The following MARS1 variants were observed in gnomAD, a reference collection of about 807,000 sequenced individuals.
MARS1 encodes methionyl-tRNA synthetase 1.
MARS1 carries 80 observed loss-of-function variants against 119.5 expected under a neutral mutation model. That is an observed-to-expected ratio of 0.67 (90% CI 0.56 to 0.81). The LOEUF is 0.81. MARS1 is among the 30% of genes least tolerant of loss of function. The pLI is 0.00. For synonymous variants in MARS1, 418 were observed against 433.4 expected (o/e 0.96, Z 0.44); for missense variants, 945 against 1,116.5 (o/e 0.85, Z 2.19).
At chr12:57,488,454 C>T (rs1875636593) in intron 1 of MARS1, 1 of 1,027,818 alleles carries the variant, frequency 9.7e-7, no homozygotes, top group Admixed American at 2.2e-5. Context: ...CGCCTCACCC[C>T]AGTAAACTGC....
At chr12:57,508,434 G>A (rs554720687) in intron 11 of MARS1, among the ~76,000 whole-genome samples, 13 of 152,326 alleles carry the variant, frequency 8.5e-5, no homozygotes, top group Admixed American at 2.0e-4. Context: ...CGAGGCTGGC[G>A]GATCACTGGC....
chr12:57,494,899 C>G (rs1462737200), intron 7 of MARS1, among the ~76,000 whole-genome samples: 1 of 152,180 alleles, frequency 6.6e-6, no homozygotes, highest in Non-Finnish European at 1.5e-5. Flanking sequence ...TCTCCTATGT[C>G]TACTTCTTTC....
At chr12:57,488,477 A>G in intron 1 of MARS1, 1 of 1,290,364 alleles carries the variant, frequency 7.7e-7, no homozygotes. Context: ...TTCCCTTCCC[A>G]ACCTTCTCCT....
chr12:57,488,370 C>T, intron 1 of MARS1, 171 bp downstream of exon 1: 1 of 729,542 alleles, frequency 1.4e-6, no homozygotes. Flanking sequence ...TCACATCTTT[C>T]ACTTCCTTTA....
chr12:57,507,266 C>A (rs1284424443), intron 11 of MARS1, among the ~76,000 whole-genome samples: 3 of 150,058 alleles, frequency 2.0e-5, no homozygotes, highest in Admixed American at 2.0e-4. Context: ...TACACAGACA[C>A]GGCAACCATC....
intron 7 of MARS1, among the ~76,000 whole-genome samples, chr12:57,492,543 T>G (rs1313687730): frequency 6.6e-6 from 1 of 150,624 alleles, no homozygotes. Flanking sequence ...CGGTGGCTCG[T>G]GCCTGTAATC....
At chr12:57,488,274 T>C (rs1331255858) in intron 1 of MARS1, 75 bp downstream of exon 1, 1 of 1,408,676 alleles carries the variant, frequency 7.1e-7, no homozygotes, top group Non-Finnish European at 9.9e-7. Flanking sequence ...GCAGCTGTCT[T>C]TGCCAAACCC....
intron 7 of MARS1, among the ~76,000 whole-genome samples, chr12:57,493,111 CATATT>C (rs1876073929): frequency 6.6e-6 from 1 of 151,030 alleles, no homozygotes; most frequent in Non-Finnish European, 1.5e-5. Flanking sequence ...GTCCCATTGT[CATATT>C]ATGTTGTAAT....
chr12:57,507,994 G>A (rs1475344929), intron 11 of MARS1, among the ~76,000 whole-genome samples: 4 of 151,806 alleles, frequency 2.6e-5, no homozygotes, highest in Non-Finnish European at 2.9e-5. Flanking sequence ...CGCGGCGGCC[G>A]GGCAGAGGCG....
Position 57,489,888 on chromosome 12 carries a change from C to T in MARS1, c.415-8C>T, listed in dbSNP as rs780278028. 10 of 1,613,250 alleles carry T rather than the reference C, an allele frequency of 6.2e-6. No individual in the cohort carries two copies. Among genetic ancestry groups the T allele is most frequent in the Non-Finnish European group, 7.6e-6 (9 of 1,179,342 alleles). ...TGTGTACATTTTCCTTTTCTATCCC[C>T]AACAAAGGAGACAGAATCTCTAGCC... On this transcript the variant is annotated splice_region_variant and splice_polypyrimidine_tract_variant and intron_variant, in intron 4 of 20. Transcript: ENST00000262027.
intron 18 of MARS1, 54 bp from the exon 19 acceptor site, chr12:57,515,866 T>C: frequency 1.4e-6 from 2 of 1,388,034 alleles, no homozygotes; most frequent in Non-Finnish European, 2.0e-6. Context: ...CTGTATAGTC[T>C]ATGGTAGAGT....
intron 19 of MARS1, 91 bp downstream of exon 19, chr12:57,516,082 C>A (rs1046538796): frequency 2.1e-6 from 3 of 1,454,436 alleles, no homozygotes; most frequent in East Asian, 2.3e-5. Context: ...ATCACTCTTT[C>A]CATCTTTTGG....
rs1175367825 is a variant in MARS1, at chr12:57,493,661, TTATATATTA to T, written c.770+3033_770+3041del. On this transcript the variant is annotated intron_variant, in intron 7 of 20. Transcript: ENST00000262027. The stretch of plus-strand genomic sequence containing the variant: ...ATTAATATATAATATACAATATATA[TTATATATTA>T]TATATATTATATATAATATATATTA... Among the ~76,000 whole-genome samples, 8 of 12,198 alleles carry T rather than the reference TTATATATTA, an allele frequency of 6.6e-4. 3 individuals are homozygous for T. In the African/African-American group the frequency reaches 9.0e-3, roughly 14 times the overall value. 8.0% of individuals were successfully genotyped at this position (12,198 alleles called of 152,430 possible). A position where few individuals can be genotyped will look rare whatever the true frequency, so the allele number is the denominator to read the frequency against.
In MARS1 at chr12:57,515,054, G is replaced by A. The variant is rs1877720255; in HGVS notation, c.2200G>A (p.Asp734Asn). The A allele has an allele frequency of 6.2e-7, 1 of 1,614,216 alleles. No homozygotes were observed. The highest frequency in any genetic ancestry group is 8.5e-7 in the Non-Finnish European group (1 of 1,180,034). ...GAAGCGGATTAAAGGCAGTGAGGCT[G>A]ACAGGTAGGTAAGCGGGGAGGGTTG... ...PWKRIKGSEA[D>N]RQRAGTVTGL... The change falls in exon 17 of 21, where the codon GAC (aspartate) becomes AAC (asparagine). Residue 734 changes from aspartate to asparagine, a missense_variant. By Grantham distance (23) the Asp-to-Asn change is conservative. Coordinates refer to ENST00000262027, the MANE Select transcript of MARS1 (RefSeq NM_004990.4).
intron 9 of MARS1, among the ~76,000 whole-genome samples, chr12:57,498,848 G>A (rs1016042170): frequency 2.6e-5 from 4 of 152,172 alleles, no homozygotes; most frequent in African/African-American, 9.7e-5. Context: ...GAGACCAGAC[G>A]CAGGCTGATG....
At chr12:57,509,497 C>T (rs1024403224) in intron 11 of MARS1, among the ~76,000 whole-genome samples, 1 of 152,182 alleles carries the variant, frequency 6.6e-6, no homozygotes, top group Non-Finnish European at 1.5e-5. Flanking sequence ...ACTGCCATCT[C>T]CAGGATTCAA....
rs1877745075 is a variant in MARS1 at position 57,515,334 on chromosome 12, A to AC, written c.2390dup (p.Val798SerfsTer11). The AC allele has an allele frequency of 2.5e-6, 4 of 1,612,212 alleles. No homozygotes were observed. Among genetic ancestry groups the AC allele is most frequent in the Non-Finnish European group, 3.4e-6 (4 of 1,179,926 alleles). On this transcript the variant is annotated frameshift_variant and splice_region_variant, in exon 18 of 21. Coordinates refer to ENST00000262027, the MANE Select transcript of MARS1 (RefSeq NM_004990.4). LOFTEE classifies it high-confidence loss of function. ...CTTACCAGCAGGACACCAGATTGGC[A>AC]CAGTAGGTGGAAGAGCCAGCCTCTC...
intron 18 of MARS1, 103 bp from the exon 19 acceptor site, chr12:57,515,816 CT>C: frequency 1.2e-6 from 1 of 849,676 alleles, no homozygotes; most frequent in Non-Finnish European, 1.9e-6. Context: ...TAAGCTCGTT[CT>C]TTCTAAAACA....
chr12:57,514,958 C>G lies in MARS1; in HGVS notation c.2104C>G (p.Arg702Gly), dbSNP rs587777228. ...GCCTGCTTCCTCCCTTCCCAGGATC[C>G]GGGATGCCTTGCGCAGTATCCTCAC... ...YHQLLEKVRI[R>G]DALRSILTIS... is the part of the protein sequence containing the mutation. The change falls in exon 17 of 21, where the codon CGG becomes GGG. Residue 702 changes from arginine to glycine, a missense_variant. Arg to Gly is a moderately radical substitution (Grantham distance 125). Transcript: ENST00000262027. 1 of 1,614,136 alleles carries G rather than the reference C, an allele frequency of 6.2e-7. No homozygotes were observed. The highest frequency in any genetic ancestry group is 1.7e-5 in the Admixed American group (1 of 60,016).
Sources: gnomAD v4.1 joint callset for allele counts (sites outside exome capture counted in the v4.1 genomes callset) on GRCh38, gnomAD v4.1.1 for gene constraint, MANE v1.5 for transcripts, NCBI Gene and HGNC (gene_info 2026-07-23, HGNC 2026-07-21) for gene names.